The following KLRD1 variants were observed in gnomAD, a reference collection of about 807,000 sequenced individuals.
KLRD1 encodes killer cell lectin like receptor D1.
In KLRD1, 21 loss-of-function variants were observed where a neutral mutation model predicts 22.6. The ratio of observed to expected loss-of-function variants is 0.93; its 90% CI spans 0.66 to 1.34. The LOEUF (loss-of-function observed/expected upper bound fraction) is 1.34. KLRD1 is among the 40% of genes most tolerant of loss of function. KLRD1 has a pLI of 0.00. For missense variants in KLRD1, 183 were observed against 208.6 expected, an observed-to-expected ratio of 0.88 and a Z score of 0.76; for synonymous variants, 59 against 71.1, an observed-to-expected ratio of 0.83 and a Z score of 0.85.
Position 10,321,871 on chromosome 12 carries a change from A to C in KLRD1, c.*7078A>C, listed in dbSNP as rs1362183778. 6.6e-6 allele frequency: 1 copy of C among 152,158 alleles called. No individual in the cohort carries two copies. Among genetic ancestry groups the C allele is most frequent in the Non-Finnish European group, 1.5e-5 (1 of 68,042 alleles). 9.4% of individuals were successfully genotyped at this position (152,158 alleles called of 1,614,324 possible). On this transcript the variant is annotated 3_prime_UTR_variant, in exon 6 of 6. Transcript: ENST00000336164. ...CAACCCAACCTACATTTTTACTGCA[A>C]CCTCATGAGGGATCCTGAGCTAGAA...
At chr12:10,241,050 A>G (rs1048005567) in intron 1 of KLRD1, among the ~76,000 whole-genome samples, 3 of 152,184 alleles carry the variant, frequency 2.0e-5, no homozygotes, top group African/African-American at 7.2e-5. Context: ...AAAAAGCCCT[A>G]CTATTTCATA....
chr12:10,239,429 CTTCCT>C (rs750574383), intron 1 of KLRD1, among the ~76,000 whole-genome samples: 1 of 37,202 alleles, frequency 2.7e-5, no homozygotes, highest in African/African-American at 1.2e-4. Flanking sequence ...TCCATCCTTC[CTTCCT>C]TTCCTTCCTT....
intron 1 of KLRD1, among the ~76,000 whole-genome samples, chr12:10,257,797 G>T (rs1414078432): frequency 6.6e-6 from 1 of 151,790 alleles, no homozygotes; most frequent in African/African-American, 2.4e-5. Flanking sequence ...TATGCTTTGA[G>T]ATTTTTTTGA....
At chr12:10,252,017 C>G (rs575151056) in intron 1 of KLRD1, among the ~76,000 whole-genome samples, 3 of 152,148 alleles carry the variant, frequency 2.0e-5, no homozygotes, top group African/African-American at 4.8e-5. Context: ...CACATTTCTC[C>G]TGAATTCTGG....
chr12:10,246,971 C>T (rs1394491024), intron 1 of KLRD1, among the ~76,000 whole-genome samples: 19 of 133,072 alleles, frequency 1.4e-4, no homozygotes, highest in African/African-American at 5.5e-4. Context: ...CTTGCTCTGT[C>T]ACCCAGTCTG....
At chr12:10,304,962 G>T (rs536801901), upstream of KLRD1, among the ~76,000 whole-genome samples, 13 of 152,132 alleles carry the variant, frequency 8.5e-5, no homozygotes, top group East Asian at 1.5e-3. Context: ...TTTTCTTTCC[G>T]CTCAAAGAAT....
chr12:10,274,893 A>G (rs1045574824), intron 1 of KLRD1, among the ~76,000 whole-genome samples: 1 of 151,938 alleles, frequency 6.6e-6, no homozygotes. Context: ...GTTGTTTTGT[A>G]TCTTTTTCTT....
intron 1 of KLRD1, among the ~76,000 whole-genome samples, chr12:10,251,492 GCCC>G (rs1400139778): frequency 1.3e-5 from 2 of 152,000 alleles, no homozygotes; most frequent in Non-Finnish European, 2.9e-5. Flanking sequence ...AAACTTTTTG[GCCC>G]CAGGGACCGG....
chr12:10,241,672 A>C (rs1949242403), intron 1 of KLRD1, among the ~76,000 whole-genome samples: 1 of 152,148 alleles, frequency 6.6e-6, no homozygotes, highest in Non-Finnish European at 1.5e-5. Flanking sequence ...AACTATAGTT[A>C]GGAAGAAATT....
chr12:10,313,043 C>T (rs996794600), intron 4 of KLRD1, among the ~76,000 whole-genome samples: 4 of 151,796 alleles, frequency 2.6e-5, no homozygotes, highest in Non-Finnish European at 1.5e-5. Flanking sequence ...GGCACCTTTG[C>T]GGATTATAGG....
At chr12:10,303,510 C>T (rs1949884343), upstream of KLRD1, among the ~76,000 whole-genome samples, 1 of 152,156 alleles carries the variant, frequency 6.6e-6, no homozygotes. Flanking sequence ...TCAGGAGCAG[C>T]TCTTTTCCTG....
chr12:10,268,445 C>A (rs1213016896), intron 1 of KLRD1, among the ~76,000 whole-genome samples: 1 of 152,132 alleles, frequency 6.6e-6, no homozygotes, highest in Middle Eastern at 3.2e-3. Context: ...AAATAAGAGG[C>A]TTGAAAAGTG....
chr12:10,323,796 A>T lies in KLRD1; in HGVS notation c.*9003A>T, dbSNP rs1056022929. The T allele has an allele frequency of 2.0e-5, 3 of 150,090 alleles. No individual in the cohort carries two copies. The highest frequency in any genetic ancestry group is 7.3e-5 in the African/African-American group (3 of 40,910). The allele number at this position is 150,090 out of a possible 1,614,324, so 9.3% of individuals were successfully genotyped here. A position where few individuals can be genotyped will look rare whatever the true frequency, so the allele number is the denominator to read the frequency against. On this transcript the variant is annotated 3_prime_UTR_variant, in exon 6 of 6. Coordinates refer to ENST00000336164, the MANE Select transcript of KLRD1 (RefSeq NM_002262.5). Reference sequence around the variant, plus strand: ...TAGATTTTTCATTCAGCATCATAATAGTTTTTATACTCATCTATGTTGATA... The same window carrying T: ...TAGATTTTTCATTCAGCATCATAATTGTTTTTATACTCATCTATGTTGATA...
intron 1 of KLRD1, among the ~76,000 whole-genome samples, chr12:10,257,784 T>A (rs1456160700): frequency 2.6e-5 from 4 of 152,174 alleles, no homozygotes; most frequent in African/African-American, 9.6e-5. Flanking sequence ...TCCTGTTTCT[T>A]CGTATGCTTT....
chr12:10,324,401 C>G lies in KLRD1; in HGVS notation c.*9608C>G, dbSNP rs968794490. Reference sequence around the variant, plus strand: ...TCCTCATCCTTCTCCCTCTCCCCCCCAAGTAGGCCCCAGTGTCTATTGTTT... The same window carrying G: ...TCCTCATCCTTCTCCCTCTCCCCCCGAAGTAGGCCCCAGTGTCTATTGTTT... On this transcript the variant is annotated 3_prime_UTR_variant, in exon 6 of 6. Transcript: ENST00000336164. 1 of 152,030 alleles carries G rather than the reference C, an allele frequency of 6.6e-6. No individual in the cohort carries two copies. Among genetic ancestry groups the G allele is most frequent in the Admixed American group, 6.6e-5 (1 of 15,248 alleles). The allele number at this position is 152,030 out of a possible 1,614,324, so 9.4% of individuals were successfully genotyped here.
intron 1 of KLRD1, among the ~76,000 whole-genome samples, chr12:10,293,163 T>TAAGGCTA (rs1565462107): frequency 3.8e-3 from 3 of 798 alleles, no homozygotes. Context: ...TCTCCATATA[T>TAAGGCTA]ATATACACAT....
At chr12:10,252,747 A>T (rs1949356773) in intron 1 of KLRD1, among the ~76,000 whole-genome samples, 1 of 152,134 alleles carries the variant, frequency 6.6e-6, no homozygotes, top group Non-Finnish European at 1.5e-5. Context: ...TAACTTTCAG[A>T]GGAAGGTGAT....
upstream of KLRD1, among the ~76,000 whole-genome samples, chr12:10,306,138 GC>G (rs1293727269): frequency 6.5e-5 from 7 of 107,668 alleles, no homozygotes; most frequent in African/African-American, 1.7e-4. Context: ...CTGCACTCCA[GC>G]CTGGGTGACA....
chr12:10,317,372 A>G lies in KLRD1; in HGVS notation c.*2579A>G, dbSNP rs1950255282. On this transcript the variant is annotated 3_prime_UTR_variant, in exon 6 of 6. Coordinates refer to ENST00000336164, the MANE Select transcript of KLRD1 (RefSeq NM_002262.5). ...CTGGCGGGAGCAGGGAAAAGCAGAA[A>G]GAGAAAGCAGATAAGCTATGAGTCT... 1 of 152,244 alleles carries G rather than the reference A, an allele frequency of 6.6e-6. No individual in the cohort carries two copies. Among genetic ancestry groups the G allele is most frequent in the South Asian group, 2.1e-4 (1 of 4,832 alleles). 9.4% of individuals were successfully genotyped at this position (152,244 alleles called of 1,614,324 possible). A position where few individuals can be genotyped will look rare whatever the true frequency, so the allele number is the denominator to read the frequency against.
Sources: allele counts gnomAD v4.1 joint callset (sites outside exome capture counted in the v4.1 genomes callset), GRCh38; gene constraint gnomAD v4.1.1; transcripts MANE v1.5; gene names NCBI Gene and HGNC (gene_info 2026-07-23, HGNC 2026-07-21).